ROBO2: variants seen among roughly 807,000 people sequenced by gnomAD.
The protein encoded by ROBO2 is roundabout guidance receptor 2.
A neutral mutation model predicts 160.8 loss-of-function variants in ROBO2; 53 were observed. The observed-to-expected ratio is 0.33, with a 90% CI of 0.26 to 0.41. ROBO2 has a LOEUF of 0.41. Among genes scored for constraint, ROBO2 ranks in the 10% least tolerant of loss-of-function variants. The probability of loss-of-function intolerance (pLI) is 1.00; values close to 1 mark genes in which losing one functional copy is unlikely to be tolerated. For missense variants in ROBO2, 1,577 were observed against 1,722.4 expected (o/e 0.92, Z 1.49); for synonymous variants, 664 against 611.7 (o/e 1.09, Z -1.26).
At chr3:77,210,139 C>A (rs2083934166) in intron 2 of ROBO2, among the ~76,000 whole-genome samples, 1 of 151,756 alleles carries the variant, frequency 6.6e-6, no homozygotes, top group South Asian at 2.1e-4. Context: ...GCATCCTGCA[C>A]AGACATTTGT....
intron 2 of ROBO2, among the ~76,000 whole-genome samples, chr3:76,027,477 C>T (rs976370965): frequency 6.6e-6 from 1 of 151,766 alleles, no homozygotes; most frequent in African/African-American, 2.4e-5. Flanking sequence ...GGGCTTATGA[C>T]CCTCTTTCCT....
chr3:76,321,432 G>A (rs969425259), intron 2 of ROBO2, among the ~76,000 whole-genome samples: 1 of 152,114 alleles, frequency 6.6e-6, no homozygotes, highest in Non-Finnish European at 1.5e-5. Flanking sequence ...GAACCCAGGA[G>A]GCGGAAGTTG....
intron 2 of ROBO2, among the ~76,000 whole-genome samples, chr3:77,434,192 T>C (rs547409988): frequency 5.3e-5 from 8 of 152,238 alleles, no homozygotes; most frequent in African/African-American, 1.9e-4. Flanking sequence ...GTTCTCCTTC[T>C]TGCCTTTGAA....
chr3:77,063,144 A>G (rs2066491774), intron 1 of ROBO2, among the ~76,000 whole-genome samples: 1 of 152,174 alleles, frequency 6.6e-6, no homozygotes, highest in African/African-American at 2.4e-5. Context: ...GGAACTGAAA[A>G]CATCATGAGG....
intron 2 of ROBO2, among the ~76,000 whole-genome samples, chr3:77,404,596 G>T (rs987628624): frequency 6.6e-6 from 1 of 152,108 alleles, no homozygotes; most frequent in African/African-American, 2.4e-5. Flanking sequence ...AAATATGAAA[G>T]AAGGAAAATT....
intron 5 of ROBO2, 105 bp downstream of exon 5, chr3:77,493,487 A>G: frequency 8.0e-7 from 1 of 1,249,662 alleles, no homozygotes; most frequent in Non-Finnish European, 1.2e-6. Context: ...GTCTTGGGGT[A>G]CTTTCACTCA....
rs868258438 is a variant in ROBO2, at chr3:77,074,761, A to C, written c.62-23253A>C. 9.2e-5 allele frequency among the ~76,000 whole-genome samples: 14 copies of C among 152,278 alleles called. No homozygotes were observed. In the Middle Eastern group the frequency reaches 0.01, roughly 111 times the overall value. On this transcript the variant is annotated intron_variant, in intron 1 of 25. Coordinates refer to ENST00000461745, the Ensembl canonical transcript of ROBO2. Reference sequence around the variant, plus strand: ...TGATGAATGAATGAATGAATGAATGAATGAAATCCTTTGAAGAAATAATGC... The same window carrying C: ...TGATGAATGAATGAATGAATGAATGCATGAAATCCTTTGAAGAAATAATGC...
chr3:76,982,696 A>G (rs2060158692), intron 2 of ROBO2, among the ~76,000 whole-genome samples: 1 of 149,196 alleles, frequency 6.7e-6, no homozygotes, highest in Non-Finnish European at 1.5e-5. Flanking sequence ...ATTAATTTAT[A>G]CCTATTTATT....
At chr3:76,976,687 A>T (rs998544055) in intron 2 of ROBO2, among the ~76,000 whole-genome samples, 8 of 152,198 alleles carry the variant, frequency 5.3e-5, no homozygotes, top group Non-Finnish European at 8.8e-5. Flanking sequence ...CTACCTTGCA[A>T]ACTGTTTAAA....
At chr3:77,139,237 A>C (rs1264581047) in intron 2 of ROBO2, among the ~76,000 whole-genome samples, 1 of 152,158 alleles carries the variant, frequency 6.6e-6, no homozygotes, top group African/African-American at 2.4e-5. Context: ...AAAAAAATTG[A>C]AAAATTTTAT....
intron 2 of ROBO2, among the ~76,000 whole-genome samples, chr3:76,345,621 A>G (rs747282733): frequency 4.6e-5 from 7 of 151,844 alleles, no homozygotes; most frequent in Admixed American, 6.6e-5. Context: ...AGAGTAAAAT[A>G]AATTTGAGCC....
In ROBO2 at chr3:76,529,827, G is replaced by A. The variant is rs549779957; in HGVS notation, c.110-568187G>A. ...TTCTCCCTTGCAGCATTTTAACATA[G>A]GGAAGATTGACTTAGTACCATGGTG... On this transcript the variant is annotated intron_variant, in intron 2 of 26. Transcript: ENST00000487694. Among the ~76,000 whole-genome samples the A allele has an allele frequency of 2.0e-5, 3 of 152,128 alleles. No homozygotes were observed. The South Asian group carries it at 6.2e-4, about 32-fold the overall frequency.
chr3:76,778,242 G>A (rs1279135211), intron 2 of ROBO2, among the ~76,000 whole-genome samples: 1 of 151,096 alleles, frequency 6.6e-6, no homozygotes, highest in Non-Finnish European at 1.5e-5. Flanking sequence ...CATAAATGTG[G>A]TAGTCATTAA....
intron 2 of ROBO2, among the ~76,000 whole-genome samples, chr3:76,021,388 T>G (rs1391517935): frequency 1.3e-5 from 2 of 151,816 alleles, no homozygotes; most frequent in Non-Finnish European, 2.9e-5. Context: ...ATGGAAACAT[T>G]ATTTCCCAAA....
intron 2 of ROBO2, among the ~76,000 whole-genome samples, chr3:76,582,529 AATAAAGT>A (rs1454802790): frequency 2.0e-5 from 3 of 152,186 alleles, no homozygotes; most frequent in Non-Finnish European, 4.4e-5. Flanking sequence ...TTCTCCCTCA[AATAAAGT>A]ATAAACAAAT....
At chr3:77,484,492 C>T (rs2085091505) in intron 4 of ROBO2, among the ~76,000 whole-genome samples, 1 of 141,756 alleles carries the variant, frequency 7.1e-6, no homozygotes, top group Non-Finnish European at 1.5e-5. Flanking sequence ...ATACAGGAAT[C>T]TCTTGCCCCA....
At chr3:77,473,034 C>T (rs999350006) in intron 2 of ROBO2, among the ~76,000 whole-genome samples, 11 of 152,044 alleles carry the variant, frequency 7.2e-5, no homozygotes, top group African/African-American at 2.7e-4. Context: ...AGGAGAAACC[C>T]TCCCTTGTGC....
chr3:77,488,039 T>C (rs772592270), intron 4 of ROBO2, among the ~76,000 whole-genome samples: 5 of 152,176 alleles, frequency 3.3e-5, no homozygotes, highest in South Asian at 2.1e-4. Context: ...TTGTGTTAAA[T>C]TGTATATTTG....
chr3:76,860,537 T>C (rs1312831414), intron 2 of ROBO2, among the ~76,000 whole-genome samples: 1 of 152,132 alleles, frequency 6.6e-6, no homozygotes, highest in East Asian at 1.9e-4. Context: ...GTTGACTCCA[T>C]TGTTTTCAGG....
Sources: gnomAD v4.1 joint callset for allele counts (sites outside exome capture counted in the v4.1 genomes callset) on GRCh38, gnomAD v4.1.1 for gene constraint, MANE v1.5 for transcripts, NCBI Gene and HGNC (gene_info 2026-07-23, HGNC 2026-07-21) for gene names.